DUSP15: variants seen among roughly 807,000 people sequenced by gnomAD.
DUSP15 encodes the protein dual specificity protein phosphatase 15.
DUSP15 carries 23 observed loss-of-function variants against 26.3 expected under a neutral mutation model. The ratio of observed to expected loss-of-function variants is 0.87; its 90% CI spans 0.63 to 1.24. The LOEUF is 1.24. Among genes scored for constraint, DUSP15 ranks in the 50% most tolerant of loss-of-function variants. The probability of loss-of-function intolerance (pLI) is 0.00; values close to 1 mark genes in which losing one functional copy is unlikely to be tolerated. For synonymous variants in DUSP15, 143 were observed against 135.5 expected, an observed-to-expected ratio of 1.06 and a Z score of -0.39; for missense variants, 364 against 320.6, an observed-to-expected ratio of 1.14 and a Z score of -1.03.
chr20:31,855,524 C>T (rs1348106734), intron 6 of DUSP15, among the ~76,000 whole-genome samples: 2 of 152,100 alleles, frequency 1.3e-5, no homozygotes, highest in Non-Finnish European at 2.9e-5. Flanking sequence ...GAGCTTTGGG[C>T]ACCAGAAGGG....
chr20:31,861,677 T>A lies in DUSP15; in HGVS notation c.436-2A>T, dbSNP rs1471735395. On this transcript the variant is annotated splice_acceptor_variant, in intron 6 of 6. Transcript: ENST00000339738. LOFTEE classifies it high-confidence loss of function. Reference sequence around the variant, plus strand: ...GCGCTCCTCCAGCTGCCGGCGAAGCTGGGGTGGGCGGGTGAGGTGGGCGGG... The same window carrying A: ...GCGCTCCTCCAGCTGCCGGCGAAGCAGGGGTGGGCGGGTGAGGTGGGCGGG... The A allele has an allele frequency of 3.4e-6, 1 of 294,130 alleles. No homozygotes were observed. Among genetic ancestry groups the A allele is most frequent in the Admixed American group, 5.7e-5 (1 of 17,642 alleles). 18.2% of individuals were successfully genotyped at this position (294,130 alleles called of 1,614,324 possible). A position where few individuals can be genotyped will look rare whatever the true frequency, so the allele number is the denominator to read the frequency against.
chr20:31,853,320 C>T (rs1351891267), intron 6 of DUSP15, among the ~76,000 whole-genome samples: 1 of 152,016 alleles, frequency 6.6e-6, no homozygotes, highest in Non-Finnish European at 1.5e-5. Flanking sequence ...AAAATCATGG[C>T]AGTGGTTTGC....
Position 31,869,018 on chromosome 20 carries a change from C to T in DUSP15, c.55+546G>A, listed in dbSNP as rs73119966. ...CCAGCTGCTCCAGGGCTCTGGGGTGCGACAGTGTTGGTGCTCATGACCCTG... is the reference window on the plus strand; with the variant it reads ...CCAGCTGCTCCAGGGCTCTGGGGTGTGACAGTGTTGGTGCTCATGACCCTG... On this transcript the variant is annotated intron_variant, in intron 2 of 6. Transcript: ENST00000339738. 6.9e-3 allele frequency among the ~76,000 whole-genome samples: 1,056 copies of T among 152,230 alleles called. 4 individuals carry two copies. The highest frequency in any genetic ancestry group is 0.012 in the Non-Finnish European group (785 of 67,982).
chr20:31,862,741 A>T lies in DUSP15; in HGVS notation c.265T>A (p.Phe89Ile). 3 of 1,598,366 alleles carry T rather than the reference A, an allele frequency of 1.9e-6. No homozygotes were observed. Among genetic ancestry groups the T allele is most frequent in the Non-Finnish European group, 2.6e-6 (3 of 1,168,838 alleles). ...LNGGNCLVHC[F>I]AGISRSTTIV... is the part of the protein sequence containing the mutation. ...GTGGTGCTGCGAGAGATGCCTGCAA[A>T]GCTGGGATCCCCAACAACCCCTCAG... The change falls in exon 6 of 7, where the codon TTT becomes ATT. Residue 89 changes from phenylalanine to isoleucine, a missense_variant and splice_region_variant. Phe to Ile is a conservative substitution (Grantham distance 21). Transcript: ENST00000339738.
chr20:31,869,556 G>C lies in DUSP15; in HGVS notation c.55+8C>G, dbSNP rs1373222493. Reference sequence around the variant, plus strand: ...CCATGGCCTCGGGACAGAGTGGGCAGTGCTCACCAATGAAGTTTCCGAGGT... The same window carrying C: ...CCATGGCCTCGGGACAGAGTGGGCACTGCTCACCAATGAAGTTTCCGAGGT... On this transcript the variant is annotated splice_region_variant and intron_variant, in intron 2 of 6. Transcript: ENST00000339738. 1 of 1,611,988 alleles carries C rather than the reference G, an allele frequency of 6.2e-7. No individual in the cohort carries two copies. The highest frequency in any genetic ancestry group is 2.2e-5 in the East Asian group (1 of 44,812).
At chr20:31,858,215 G>A (rs2062592976), downstream of DUSP15, among the ~76,000 whole-genome samples, 1 of 152,156 alleles carries the variant, frequency 6.6e-6, no homozygotes, top group African/African-American at 2.4e-5. This position sits in a 1 kb window ranked among gnomAD's most constrained non-coding sequence, Gnocchi z 4.4. Flanking sequence ...ATGCGAAAGA[G>A]GGTCTTGCCC....
chr20:31,860,653 G>T (rs1000674527), downstream of DUSP15, among the ~76,000 whole-genome samples: 1 of 152,236 alleles, frequency 6.6e-6, no homozygotes, highest in Non-Finnish European at 1.5e-5. Flanking sequence ...TTTCCTCCCT[G>T]AGGATTAAGT....
At chr20:31,863,880 C>A (rs372351015) in intron 5 of DUSP15, 27 bp downstream of exon 5, 73 of 1,609,264 alleles carry the variant, frequency 4.5e-5, no homozygotes, top group Admixed American at 1.0e-4. Context: ...CTTCCTCCCC[C>A]ACCTTATCCC....
chr20:31,854,925 A>G (rs1390167973), intron 6 of DUSP15, among the ~76,000 whole-genome samples: 1 of 152,094 alleles, frequency 6.6e-6, no homozygotes, highest in Non-Finnish European at 1.5e-5. Context: ...CCAACACATA[A>G]CCTTGTTTTC....
downstream of DUSP15, among the ~76,000 whole-genome samples, chr20:31,859,553 C>T (rs533234367): frequency 1.3e-5 from 2 of 152,334 alleles, no homozygotes; most frequent in South Asian, 4.1e-4. Context: ...CTCCTCCTTT[C>T]CTCTAGCTCC....
chr20:31,848,676 G>A (rs1036789928), intron 9 of DUSP15: 4 of 1,458,640 alleles, frequency 2.7e-6, no homozygotes, highest in African/African-American at 2.8e-5. Context: ...CATTTTCCAG[G>A]TAGGGTCCTA....
intron 6 of DUSP15, among the ~76,000 whole-genome samples, chr20:31,853,923 G>T (rs370274494): frequency 6.6e-6 from 1 of 152,134 alleles, no homozygotes; most frequent in Non-Finnish European, 1.5e-5. Context: ...ACTTTAAAGA[G>T]TGTGGTCAGA....
intron 3 of DUSP15, 99 bp from the exon 4 acceptor site, chr20:31,865,101 C>T: frequency 7.7e-7 from 1 of 1,301,458 alleles, no homozygotes; most frequent in Admixed American, 1.8e-5. Context: ...AGCCCAGTTC[C>T]TGCCCTTCTC....
At chr20:31,861,766 C>G in intron 6 of DUSP15, 91 bp from the exon 7 acceptor site, 1 of 1,102,322 alleles carries the variant, frequency 9.1e-7, no homozygotes, top group Non-Finnish European at 1.2e-6. Context: ...CGACCTTCGC[C>G]CTTCTCCGAG....
intron 8 of DUSP15, chr20:31,849,429 T>C: frequency 1.9e-6 from 1 of 537,218 alleles, no homozygotes. Context: ...CCCATCCCCC[T>C]GGGCCTGCAT....
downstream of DUSP15, among the ~76,000 whole-genome samples, chr20:31,856,635 G>T (rs894219339): frequency 3.3e-5 from 5 of 152,276 alleles, no homozygotes; most frequent in African/African-American, 1.2e-4. Context: ...GCAGAAGTTT[G>T]TGGGGCAGAG....
intron 6 of DUSP15, among the ~76,000 whole-genome samples, chr20:31,851,603 G>A (rs1600437200): frequency 6.6e-6 from 1 of 152,224 alleles, no homozygotes; most frequent in South Asian, 2.1e-4. Context: ...AAGGTGGAGC[G>A]GGTGGGAGCA....
chr20:31,870,218 G>A lies in DUSP15; in HGVS notation c.21+99C>T, dbSNP rs375228029. 1.1e-4 allele frequency: 130 copies of A among 1,226,430 alleles called. 4 individuals carry two copies. In the East Asian group the frequency reaches 1.1e-3, roughly 10 times the overall value. The allele number at this position is 1,226,430 out of a possible 1,614,324, so 76.0% of individuals were successfully genotyped here. On this transcript the variant is annotated intron_variant, in intron 1 of 6. Transcript: ENST00000339738. This position sits in a 1 kb window ranked among gnomAD's most constrained non-coding sequence, Gnocchi z 6.6. The stretch of plus-strand genomic sequence containing the variant: ...GAGATGCCGCCGCACGGAGACCGGC[G>A]AGAACAGAAGGTCAGAGGCGGGCGG...
intron 6 of DUSP15, among the ~76,000 whole-genome samples, chr20:31,850,934 G>A (rs1415751860): frequency 1.3e-5 from 2 of 152,304 alleles, no homozygotes; most frequent in South Asian, 4.1e-4. Context: ...GGGTGGGAGA[G>A]GAGGCCTGTG....
Sources: allele counts gnomAD v4.1 joint callset (sites outside exome capture counted in the v4.1 genomes callset), GRCh38; gene constraint gnomAD v4.1.1; non-coding constraint Gnocchi (gnomAD v3.1); transcripts MANE v1.5; gene names NCBI Gene and HGNC (gene_info 2026-07-23, HGNC 2026-07-21).